The following EMID1 variants were observed in gnomAD, a reference collection of about 807,000 sequenced individuals.
EMID1 encodes the protein EMI domain-containing protein 1.
A neutral mutation model predicts 60.6 loss-of-function variants in EMID1; 40 were observed. The ratio of observed to expected loss-of-function variants is 0.66; its 90% CI spans 0.51 to 0.86. EMID1 has a LOEUF of 0.86. Ranked by LOEUF, EMID1 falls within the 40% of genes least tolerant of loss-of-function variation. The pLI, the probability that EMID1 is intolerant of heterozygous loss-of-function variation, is 0.00. For synonymous variants in EMID1, 242 were observed against 231.0 expected (o/e 1.05, Z -0.43); for missense variants, 585 against 597.1 (o/e 0.98, Z 0.21).
intron 3 of EMID1, chr22:29,216,753 G>A: frequency 1.3e-6 from 1 of 750,534 alleles, no homozygotes; most frequent in Non-Finnish European, 1.6e-6. Context: ...ACACGGCCAT[G>A]GGGATGGGGT....
chr22:29,238,975 A>T lies in EMID1; in HGVS notation c.1075-4470A>T, dbSNP rs958291590. Among the ~76,000 whole-genome samples, 2 of 143,778 alleles carry T rather than the reference A, an allele frequency of 1.4e-5. 1 individual carries two copies. The highest frequency in any genetic ancestry group is 5.5e-5 in the African/African-American group (2 of 36,218). The allele number at this position is 143,778 out of a possible 152,430, so 94.3% of individuals were successfully genotyped here. ...TGGTGTCTGACATTTTTGGGGGGAA[A>T]ATTCTGTCATTATTACTTCAAATAT... On this transcript the variant is annotated intron_variant, in intron 12 of 14. Transcript: ENST00000334018.
chr22:29,219,007 G>A (rs376818430), intron 3 of EMID1, among the ~76,000 whole-genome samples: 10 of 152,228 alleles, frequency 6.6e-5, no homozygotes, highest in East Asian at 1.9e-4. Context: ...AGCTGCCACC[G>A]TCCTCCGTGC....
At chr22:29,229,267 C>T (rs1471126668) in intron 5 of EMID1, among the ~76,000 whole-genome samples, 2 of 151,942 alleles carry the variant, frequency 1.3e-5, no homozygotes, top group African/African-American at 2.4e-5. Context: ...TGAGCTCAGA[C>T]GGACAAGGCT....
At chr22:29,236,226 T>G (rs1215721627) in intron 12 of EMID1, among the ~76,000 whole-genome samples, 1 of 152,070 alleles carries the variant, frequency 6.6e-6, no homozygotes, top group Non-Finnish European at 1.5e-5. Flanking sequence ...AGACCCTTTT[T>G]CTATAAAACA....
intron 1 of EMID1, 42 bp from the exon 2 acceptor site, chr22:29,214,884 C>A: frequency 2.1e-6 from 3 of 1,427,196 alleles, no homozygotes; most frequent in Admixed American, 2.1e-5. Context: ...AGCAGGGGAC[C>A]CTGTGTGGTA....
At chr22:29,206,435 C>T (rs2039657023) in intron 1 of EMID1, among the ~76,000 whole-genome samples, 1 of 152,252 alleles carries the variant, frequency 6.6e-6, no homozygotes, top group Admixed American at 6.5e-5. Flanking sequence ...GTCCCTAGGG[C>T]CCCTCCCCCT....
intron 1 of EMID1, among the ~76,000 whole-genome samples, chr22:29,206,468 ACC>A (rs1441075512): frequency 1.3e-5 from 2 of 149,298 alleles, no homozygotes. Flanking sequence ...GGCCTATGAC[ACC>A]CCCTAGCCGA....
At chr22:29,236,828 GCT>G (rs1383219693) in intron 12 of EMID1, among the ~76,000 whole-genome samples, 38 of 146,054 alleles carry the variant, frequency 2.6e-4, no homozygotes, top group South Asian at 1.3e-3. Context: ...GCAGAGTCTT[GCT>G]CTGTCGCCCA....
intron 14 of EMID1, chr22:29,255,378 C>T (rs2041666906): frequency 7.0e-7 from 1 of 1,437,642 alleles, no homozygotes; most frequent in Non-Finnish European, 9.3e-7. Context: ...GCAGGGCGGG[C>T]AGGCAGGGGC....
intron 13 of EMID1, among the ~76,000 whole-genome samples, chr22:29,246,346 T>C (rs2146399379): frequency 6.6e-6 from 1 of 152,120 alleles, no homozygotes; most frequent in African/African-American, 2.4e-5. Flanking sequence ...AGCAGCAGAG[T>C]GATGCGGTCA....
chr22:29,246,058 C>T (rs2041319406), intron 13 of EMID1, among the ~76,000 whole-genome samples: 1 of 152,226 alleles, frequency 6.6e-6, no homozygotes, highest in African/African-American at 2.4e-5. Flanking sequence ...ACTTTATAAA[C>T]ACTTTACACT....
At chr22:29,213,182 A>G (rs1025881786) in intron 1 of EMID1, among the ~76,000 whole-genome samples, 3 of 152,154 alleles carry the variant, frequency 2.0e-5, no homozygotes, top group Non-Finnish European at 4.4e-5. Flanking sequence ...CCCCGTAACT[A>G]GGTGTGATAG....
At chr22:29,208,540 C>T (rs1226463314) in intron 1 of EMID1, among the ~76,000 whole-genome samples, 1 of 152,212 alleles carries the variant, frequency 6.6e-6, no homozygotes, top group African/African-American at 2.4e-5. Context: ...CCCTGCAGCA[C>T]CGGCTTCCTT....
At chr22:29,241,456 T>C (rs2041150872) in intron 12 of EMID1, among the ~76,000 whole-genome samples, 1 of 151,446 alleles carries the variant, frequency 6.6e-6, no homozygotes, top group South Asian at 2.1e-4. Flanking sequence ...TGGTGTGATC[T>C]CGGCTCACTG....
At position 29,237,167 on chromosome 22, in the gene EMID1, CTTTA is replaced by C. The variant is rs1310717103; in HGVS notation, c.1074+2831_1074+2834del. Among the ~76,000 whole-genome samples the C allele has an allele frequency of 1.8e-5, 2 of 111,186 alleles. 1 individual carries two copies. The allele number at this position is 111,186 out of a possible 152,430, so 72.9% of individuals were successfully genotyped here. On this transcript the variant is annotated intron_variant, in intron 12 of 14. Transcript: ENST00000334018. ...CCAGACTTTTTCTGCCTTTTTTTGG[CTTTA>C]TTTATTTATTTACTTACTTATTTTC...
chr22:29,250,642 C>T (rs1321481965), intron 13 of EMID1, among the ~76,000 whole-genome samples: 1 of 150,318 alleles, frequency 6.7e-6, no homozygotes, highest in Non-Finnish European at 1.5e-5. Flanking sequence ...ACTCGGCTCA[C>T]TGCAACCTCT....
At chr22:29,249,665 A>T (rs1569004847) in intron 13 of EMID1, among the ~76,000 whole-genome samples, 2 of 151,490 alleles carry the variant, frequency 1.3e-5, no homozygotes, top group Non-Finnish European at 2.9e-5. Context: ...CCCAGGCTGG[A>T]GGGCAATGGT....
At chr22:29,226,123 G>A (rs544830894) in intron 4 of EMID1, among the ~76,000 whole-genome samples, 2 of 152,296 alleles carry the variant, frequency 1.3e-5, no homozygotes, top group South Asian at 4.1e-4. Context: ...TAAACTCTTA[G>A]CCCATGAGGC....
At chr22:29,229,410 G>A (rs1360013984) in intron 5 of EMID1, among the ~76,000 whole-genome samples, 8 of 152,132 alleles carry the variant, frequency 5.3e-5, no homozygotes, top group African/African-American at 1.9e-4. Flanking sequence ...TTGGGAAGCT[G>A]AGGCGGGCGG....
Sources: gnomAD v4.1 joint callset for allele counts (sites outside exome capture counted in the v4.1 genomes callset) on GRCh38, gnomAD v4.1.1 for gene constraint, MANE v1.5 for transcripts, NCBI Gene and HGNC (gene_info 2026-07-23, HGNC 2026-07-21) for gene names.